TMEM132D: variants seen among roughly 807,000 people sequenced by gnomAD.
The protein encoded by TMEM132D is mature OL transmembrane protein.
In TMEM132D, 21 loss-of-function variants were observed where a neutral mutation model predicts 62.3. That is an observed-to-expected ratio of 0.34 (90% CI 0.24 to 0.49). TMEM132D has a LOEUF of 0.49. Ranked by LOEUF, TMEM132D falls within the 20% of genes least tolerant of loss-of-function variation. The pLI, the probability that TMEM132D is intolerant of heterozygous loss-of-function variation, is 0.99. For synonymous variants in TMEM132D, 621 were observed against 575.6 expected, an observed-to-expected ratio of 1.08 and a Z score of -1.13; for missense variants, 1,346 against 1,402.8, an observed-to-expected ratio of 0.96 and a Z score of 0.65.
chr12:129,093,698 T>C (rs1171389893), intron 5 of TMEM132D, among the ~76,000 whole-genome samples: 1 of 152,110 alleles, frequency 6.6e-6, no homozygotes, highest in Non-Finnish European at 1.5e-5. Context: ...AAAGTTCATA[T>C]GGAACCAAAA....
chr12:129,886,950 G>GT lies in TMEM132D; in HGVS notation c.79+16310dup, dbSNP rs577819593. On this transcript the variant is annotated intron_variant, in intron 1 of 8. Coordinates refer to ENST00000422113, the MANE Select transcript of TMEM132D (RefSeq NM_133448.3). ...GTTTACTTCTCCTTCCACCATGATT[G>GT]TAAGTTTCCTGAGGCCTCCCCAGCC... Among the ~76,000 whole-genome samples, 3 of 152,262 alleles carry GT rather than the reference G, an allele frequency of 2.0e-5. No homozygotes were observed. The South Asian group carries it at 6.2e-4, about 32-fold the overall frequency.
intron 2 of TMEM132D, among the ~76,000 whole-genome samples, chr12:129,534,527 A>T (rs1055370597): frequency 1.3e-5 from 2 of 152,176 alleles, no homozygotes; most frequent in Non-Finnish European, 2.9e-5. Context: ...TTTCAAGTAC[A>T]GCATCCAGGG....
chr12:129,290,401 C>A (rs549199997), intron 4 of TMEM132D, among the ~76,000 whole-genome samples: 4 of 152,050 alleles, frequency 2.6e-5, no homozygotes, highest in Non-Finnish European at 5.9e-5. Flanking sequence ...CGAAGCATAA[C>A]CTACACTATT....
chr12:129,074,628 G>A lies in TMEM132D; in HGVS notation c.2547C>T (p.Leu849=), dbSNP rs747347308. Residue 849 remains leucine, a synonymous_variant, in exon 9 of 9, where the codon CTC becomes CTT. Coordinates refer to ENST00000422113, the MANE Select transcript of TMEM132D (RefSeq NM_133448.3). ...GQYYGSSSMG[L]MEGRGTTTDR... ...CTGTCGTGGTGCCCCGTCCCTCCAT[G>A]AGTCCCATAGAAGAACTGCCATAGT... is the stretch of plus-strand genomic sequence containing the variant. 5.6e-6 allele frequency: 9 copies of A among 1,614,036 alleles called. No individual in the cohort carries two copies. Among genetic ancestry groups the A allele is most frequent in the Non-Finnish European group, 7.6e-6 (9 of 1,180,018 alleles).
At chr12:129,518,343 T>C (rs930159182) in intron 3 of TMEM132D, among the ~76,000 whole-genome samples, 8 of 152,170 alleles carry the variant, frequency 5.3e-5, no homozygotes, top group African/African-American at 1.9e-4. Context: ...TTTTGTTTCG[T>C]TTGCCTTTGG....
intron 2 of TMEM132D, among the ~76,000 whole-genome samples, chr12:129,684,784 A>T (rs759340590): frequency 2.0e-5 from 3 of 152,042 alleles, no homozygotes; most frequent in Non-Finnish European, 4.4e-5. Flanking sequence ...GATATGGACA[A>T]TGAAGTCCAA....
In TMEM132D at chr12:129,395,955, AAT is replaced by A. The variant is rs535277284; in HGVS notation, c.1116-58140_1116-58139del. 4.5e-3 allele frequency among the ~76,000 whole-genome samples: 646 copies of A among 142,914 alleles called. 6 individuals carry two copies. The highest frequency in any genetic ancestry group is 0.012 in the Admixed American group (168 of 14,442). 93.8% of individuals were successfully genotyped at this position (142,914 alleles called of 152,430 possible). ...TACTATATATAATGTATTATAAAAT[AAT>A]ATATAATATATATCATATAAATATA... On this transcript the variant is annotated intron_variant, in intron 3 of 8. Coordinates refer to ENST00000422113, the MANE Select transcript of TMEM132D (RefSeq NM_133448.3).
At chr12:129,402,168 T>C (rs114861840) in intron 3 of TMEM132D, among the ~76,000 whole-genome samples, 1,737 of 152,336 alleles carry the variant, frequency 0.011, 38 homozygotes, top group African/African-American at 0.04. Context: ...GAACTTGATG[T>C]TGCTGCATGG....
At chr12:129,369,861 A>G (rs1389731708) in intron 3 of TMEM132D, among the ~76,000 whole-genome samples, 1 of 152,238 alleles carries the variant, frequency 6.6e-6, no homozygotes, top group Non-Finnish European at 1.5e-5. Context: ...GCATGCTTGT[A>G]AGCTCTCTGT....
chr12:129,649,916 G>A (rs994619383), intron 2 of TMEM132D, among the ~76,000 whole-genome samples: 2 of 151,720 alleles, frequency 1.3e-5, no homozygotes, highest in African/African-American at 2.4e-5. Flanking sequence ...CTATGTGTAC[G>A]TGTGTGTGTA....
In TMEM132D at chr12:129,072,785, C is replaced by T. The variant is rs1301777997; in HGVS notation, c.*1090G>A. The T allele has an allele frequency of 6.6e-6, 1 of 152,266 alleles. No homozygotes were observed. Among genetic ancestry groups the T allele is most frequent in the Admixed American group, 6.5e-5 (1 of 15,280 alleles). 9.4% of individuals were successfully genotyped at this position (152,266 alleles called of 1,614,324 possible). ...GATCTGCCATGAACAGTGAAAGACC[C>T]ATCCCAAGTGGCCCTGTTTTCTTTC... On this transcript the variant is annotated 3_prime_UTR_variant, in exon 9 of 9. Transcript: ENST00000422113.
chr12:129,179,216 G>T (rs1877994253), intron 5 of TMEM132D, among the ~76,000 whole-genome samples: 1 of 152,236 alleles, frequency 6.6e-6, no homozygotes, highest in Admixed American at 6.5e-5. Context: ...TGGGCAAGGG[G>T]TTAGCAGGAG....
At chr12:129,311,878 T>G (rs1220506280) in intron 4 of TMEM132D, among the ~76,000 whole-genome samples, 1 of 152,064 alleles carries the variant, frequency 6.6e-6, no homozygotes, top group Admixed American at 6.5e-5. Flanking sequence ...AGGAGTCAGT[T>G]TTAGGAGATG....
chr12:129,339,979 G>A (rs1306584888), intron 3 of TMEM132D, among the ~76,000 whole-genome samples: 1 of 152,080 alleles, frequency 6.6e-6, no homozygotes, highest in African/African-American at 2.4e-5. Flanking sequence ...GTAGAATACT[G>A]GATGCCTCCC....
rs142029398 is a variant in TMEM132D, at chr12:129,653,156, G to A, written c.968+46654C>T. Among the ~76,000 whole-genome samples the A allele has an allele frequency of 1.5e-3, 236 of 152,298 alleles. 1 individual carries two copies. The highest frequency in any genetic ancestry group is 2.7e-3 in the Non-Finnish European group (185 of 68,022). ...TCCACGCTGGAGGTCATGAGGTGCAGAGTCCTAAGGCCTCAAGGCATTGGG... is the reference window on the plus strand; with the variant it reads ...TCCACGCTGGAGGTCATGAGGTGCAAAGTCCTAAGGCCTCAAGGCATTGGG... On this transcript the variant is annotated intron_variant, in intron 2 of 8. Transcript: ENST00000422113.
chr12:129,382,616 G>T (rs1040287946), intron 3 of TMEM132D, among the ~76,000 whole-genome samples: 2 of 152,104 alleles, frequency 1.3e-5, no homozygotes, highest in African/African-American at 4.8e-5. Context: ...GGCCAAAGAG[G>T]GAAGAGGGAG....
intron 3 of TMEM132D, among the ~76,000 whole-genome samples, chr12:129,408,691 AG>A (rs951688443): frequency 2.6e-5 from 4 of 151,998 alleles, no homozygotes; most frequent in Non-Finnish European, 5.9e-5. Flanking sequence ...TGAGAATAAG[AG>A]GGTTTACGAT....
intron 3 of TMEM132D, among the ~76,000 whole-genome samples, chr12:129,436,088 G>A (rs1872778744): frequency 6.6e-6 from 1 of 152,112 alleles, no homozygotes; most frequent in Admixed American, 6.5e-5. Context: ...GTGCAGCTGT[G>A]AGGGTCGGAG....
At chr12:129,273,598 G>A (rs998510294) in intron 4 of TMEM132D, among the ~76,000 whole-genome samples, 23 of 151,796 alleles carry the variant, frequency 1.5e-4, no homozygotes, top group African/African-American at 5.1e-4. Flanking sequence ...AACAGAGAAC[G>A]AAATCATGTC....
Sources: gnomAD v4.1 joint callset for allele counts (sites outside exome capture counted in the v4.1 genomes callset) on GRCh38, gnomAD v4.1.1 for gene constraint, MANE v1.5 for transcripts, NCBI Gene and HGNC (gene_info 2026-07-23, HGNC 2026-07-21) for gene names.